CCDC12: variants seen among roughly 807,000 people sequenced by gnomAD.
CCDC12 encodes the protein coiled-coil domain containing 12.
In CCDC12, 28 loss-of-function variants were observed where a neutral mutation model predicts 25.7. The observed-to-expected ratio is 1.09, with a 90% CI of 0.81 to 1.50. CCDC12 has a LOEUF of 1.50. Among genes scored for constraint, CCDC12 ranks in the 40% most tolerant of loss-of-function variants. The probability of loss-of-function intolerance (pLI) is 0.00; values close to 1 mark genes in which losing one functional copy is unlikely to be tolerated. For synonymous variants in CCDC12, 75 were observed against 87.7 expected (o/e 0.86, Z 0.81); for missense variants, 198 against 210.0 (o/e 0.94, Z 0.35).
intron 1 of CCDC12, among the ~76,000 whole-genome samples, chr3:46,945,606 G>A (rs1462507206): frequency 6.6e-6 from 1 of 152,216 alleles, no homozygotes; most frequent in African/African-American, 2.4e-5. Flanking sequence ...TGCAAAGTTG[G>A]TATTGTTTCT....
intron 2 of CCDC12, among the ~76,000 whole-genome samples, chr3:46,933,424 G>A (rs2033311182): frequency 6.6e-6 from 1 of 152,168 alleles, no homozygotes; most frequent in South Asian, 2.1e-4. Context: ...GCCACGTGTT[G>A]GCACCAAGGC....
chr3:46,974,088 A>G (rs1314599566), intron 1 of CCDC12, among the ~76,000 whole-genome samples: 3 of 152,248 alleles, frequency 2.0e-5, no homozygotes, highest in Non-Finnish European at 4.4e-5. Context: ...AAAATAAGCC[A>G]GTCACAGAAG....
intron 1 of CCDC12, among the ~76,000 whole-genome samples, chr3:46,967,660 C>T (rs369370528): frequency 1.4e-4 from 21 of 152,220 alleles, no homozygotes; most frequent in African/African-American, 4.6e-4. Context: ...CTAAGTATTC[C>T]CACTCCTTCC....
chr3:46,954,860 T>G (rs1313821444), intron 1 of CCDC12, among the ~76,000 whole-genome samples: 1 of 151,672 alleles, frequency 6.6e-6, no homozygotes, highest in Non-Finnish European at 1.5e-5. Flanking sequence ...AAGGAGGAGG[T>G]TGCAGTGAGC....
chr3:46,934,097 T>C (rs1456465757), intron 2 of CCDC12, among the ~76,000 whole-genome samples: 1 of 152,172 alleles, frequency 6.6e-6, no homozygotes, highest in Non-Finnish European at 1.5e-5. Context: ...AAATATCAAT[T>C]TAAATTTTAA....
rs2035009607 is a variant in CCDC12 at position 46,976,735 on chromosome 3, T to A, written c.-3A>T. ...ACACCAGCCGTAGTTGCCTCCATCT[T>A]GCCCGCGTACGCCCCTCCTTTTCTC... is the stretch of plus-strand genomic sequence containing the variant. On this transcript the variant is annotated 5_prime_UTR_variant, in exon 1 of 7. Coordinates refer to ENST00000683445, the MANE Select transcript of CCDC12 (RefSeq NM_001277074.2). 1 of 1,604,608 alleles carries A rather than the reference T, an allele frequency of 6.2e-7. No individual in the cohort carries two copies. The highest frequency in any genetic ancestry group is 1.3e-5 in the African/African-American group (1 of 74,610).
intron 2 of CCDC12, among the ~76,000 whole-genome samples, chr3:46,933,330 A>G (rs1211204829): frequency 6.6e-6 from 1 of 152,230 alleles, no homozygotes; most frequent in Non-Finnish European, 1.5e-5. Context: ...CCCTTGCCTT[A>G]AAAACAAGGA....
At chr3:46,973,426 C>T (rs1447740942) in intron 1 of CCDC12, among the ~76,000 whole-genome samples, 2 of 143,904 alleles carry the variant, frequency 1.4e-5, no homozygotes, top group African/African-American at 2.7e-5. Context: ...ACCCAGGAGG[C>T]GGAGGCTGCA....
At chr3:46,963,074 G>A (rs554984588) in intron 1 of CCDC12, among the ~76,000 whole-genome samples, 6 of 152,202 alleles carry the variant, frequency 3.9e-5, no homozygotes, top group Non-Finnish European at 8.8e-5. Context: ...GCCAGATACA[G>A]AAAACTACAT....
At chr3:46,956,559 C>A (rs564526148) in intron 1 of CCDC12, among the ~76,000 whole-genome samples, 3 of 152,184 alleles carry the variant, frequency 2.0e-5, no homozygotes, top group Non-Finnish European at 4.4e-5. Context: ...CAGTAGCTCA[C>A]GCCTGTAATC....
At chr3:46,932,215 C>G (rs759935974) in intron 2 of CCDC12, among the ~76,000 whole-genome samples, 3 of 152,192 alleles carry the variant, frequency 2.0e-5, no homozygotes, top group Non-Finnish European at 4.4e-5. Flanking sequence ...GCAAGCAAAA[C>G]AAAGCATTCT....
chr3:46,953,678 C>T lies in CCDC12; in HGVS notation c.97-12613G>A, dbSNP rs554417829. On this transcript the variant is annotated intron_variant, in intron 1 of 6. Transcript: ENST00000683445. Reference sequence around the variant, plus strand: ...AAAAAAAAAAAAAAGTCCAGCTTTGCTGGTGCAGAAGAGGACAGGTTGAGC... The same window carrying T: ...AAAAAAAAAAAAAAGTCCAGCTTTGTTGGTGCAGAAGAGGACAGGTTGAGC... 5.9e-5 allele frequency among the ~76,000 whole-genome samples: 9 copies of T among 151,550 alleles called. No individual in the cohort carries two copies. The South Asian group carries it at 1.9e-3, about 32-fold the overall frequency.
At chr3:46,970,463 G>A (rs1261849388) in intron 1 of CCDC12, among the ~76,000 whole-genome samples, 2 of 152,154 alleles carry the variant, frequency 1.3e-5, no homozygotes, top group African/African-American at 2.4e-5. Flanking sequence ...GTCACAGGTG[G>A]CCCATGGCTA....
chr3:46,957,960 T>TAC (rs367926661), intron 1 of CCDC12, among the ~76,000 whole-genome samples: 710 of 64,756 alleles, frequency 0.011, 5 homozygotes, highest in African/African-American at 0.033. Flanking sequence ...AAAAAATAAA[T>TAC]ACACACACAC....
chr3:46,935,802 G>C (rs1441695855), intron 2 of CCDC12, among the ~76,000 whole-genome samples: 3 of 152,206 alleles, frequency 2.0e-5, no homozygotes, highest in African/African-American at 7.2e-5. Context: ...CCACCCAATG[G>C]GGATTTGGTT....
intron 1 of CCDC12, among the ~76,000 whole-genome samples, chr3:46,945,204 G>A (rs2033857258): frequency 6.6e-6 from 1 of 152,220 alleles, no homozygotes; most frequent in African/African-American, 2.4e-5. Context: ...AGCACCTCAA[G>A]GCCTAGCCCA....
At chr3:46,971,691 C>A (rs892459797) in intron 1 of CCDC12, among the ~76,000 whole-genome samples, 1 of 152,200 alleles carries the variant, frequency 6.6e-6, no homozygotes, top group Non-Finnish European at 1.5e-5. Flanking sequence ...GGAAAACCAA[C>A]TCCATGCCTG....
intron 1 of CCDC12, among the ~76,000 whole-genome samples, chr3:46,944,197 AT>A (rs2033820589): frequency 6.6e-6 from 1 of 152,152 alleles, no homozygotes; most frequent in Non-Finnish European, 1.5e-5. Context: ...AAAGGAAAAG[AT>A]TTGTCCAAAG....
chr3:46,977,020 A>G, upstream of CCDC12: 1 of 492,192 alleles, frequency 2.0e-6, no homozygotes, highest in Non-Finnish European at 3.6e-6. Flanking sequence ...TCAGTGAAAG[A>G]GCAGCAAGTG....
Sources: allele counts gnomAD v4.1 joint callset (sites outside exome capture counted in the v4.1 genomes callset), GRCh38; gene constraint gnomAD v4.1.1; transcripts MANE v1.5; gene names NCBI Gene and HGNC (gene_info 2026-07-23, HGNC 2026-07-21).